The following NRXN1 variants were observed in gnomAD, a reference collection of about 807,000 sequenced individuals.
NRXN1 encodes the protein neurexin-1.
NRXN1 carries 39 observed loss-of-function variants against 150.9 expected under a neutral mutation model. The ratio of observed to expected loss-of-function variants is 0.26; its 90% CI spans 0.20 to 0.34. NRXN1 has a LOEUF of 0.34. Among genes scored for constraint, NRXN1 ranks in the 10% least tolerant of loss-of-function variants. The pLI, the probability that NRXN1 is intolerant of heterozygous loss-of-function variation, is 1.00. For synonymous variants in NRXN1, 924 were observed against 757.0 expected, an observed-to-expected ratio of 1.22 and a Z score of -3.62; for missense variants, 1,815 against 1,949.9, an observed-to-expected ratio of 0.93 and a Z score of 1.30.
chr2:50,619,770 A>T (rs986892331), intron 8 of NRXN1: 2 of 420,628 alleles, frequency 4.8e-6, no homozygotes, highest in Non-Finnish European at 8.6e-6. Context: ...TTTTATAGCT[A>T]ATATCAACTG....
At chr2:50,326,589 C>A (rs1311169992) in intron 17 of NRXN1, among the ~76,000 whole-genome samples, 1 of 152,142 alleles carries the variant, frequency 6.6e-6, no homozygotes, top group Non-Finnish European at 1.5e-5. Context: ...TTGAAGTTTT[C>A]ACCTGCAACC....
chr2:50,771,231 A>G (rs1045703410), intron 5 of NRXN1, among the ~76,000 whole-genome samples: 1 of 152,050 alleles, frequency 6.6e-6, no homozygotes, highest in Non-Finnish European at 1.5e-5. Flanking sequence ...TTTGACCTCT[A>G]CCACCCATTC....
At chr2:50,654,583 T>G (rs1416078003) in intron 5 of NRXN1, among the ~76,000 whole-genome samples, 1 of 152,028 alleles carries the variant, frequency 6.6e-6, no homozygotes, top group Non-Finnish European at 1.5e-5. Context: ...TTTCTAGTTC[T>G]AGATCCCTGA....
intron 17 of NRXN1, among the ~76,000 whole-genome samples, chr2:50,309,734 C>T (rs2075004278): frequency 6.6e-6 from 1 of 152,138 alleles, no homozygotes; most frequent in African/African-American, 2.4e-5. Context: ...GGACCCTTGC[C>T]AGCTGCCTCC....
At chr2:50,521,213 G>T (rs745388715) in intron 12 of NRXN1, among the ~76,000 whole-genome samples, 2 of 152,054 alleles carry the variant, frequency 1.3e-5, no homozygotes, top group Admixed American at 6.6e-5. Context: ...CTTAAATCAC[G>T]CATTTCAAAA....
At chr2:50,901,459 C>G (rs995171077) in intron 5 of NRXN1, among the ~76,000 whole-genome samples, 8 of 151,984 alleles carry the variant, frequency 5.3e-5, no homozygotes, top group African/African-American at 1.9e-4. Flanking sequence ...ATGACGTCAA[C>G]CTAGGAGGTA....
At position 50,550,968 on chromosome 2, in the gene NRXN1, A is replaced by AC. The variant is rs1247214370; in HGVS notation, c.1759+1618dup. Among the ~76,000 whole-genome samples the AC allele has an allele frequency of 6.9e-4, 105 of 151,862 alleles. 1 individual carries two copies. The highest frequency in any genetic ancestry group is 2.4e-3 in the African/African-American group (98 of 41,372). ...AGTGCTGGGATTACGGGCGTGAGCC[A>AC]CCGCGCCCAGCCTCTTCTCAGCTTA... On this transcript the variant is annotated intron_variant, in intron 9 of 22. Coordinates refer to ENST00000401669, the MANE Select transcript of NRXN1 (RefSeq NM_001330078.2).
In NRXN1 at chr2:50,601,148, G is replaced by A. The variant is rs527275103; in HGVS notation, c.1320+18874C>T. 2.6e-5 allele frequency among the ~76,000 whole-genome samples: 4 copies of A among 151,822 alleles called. No homozygotes were observed. In the South Asian group the frequency reaches 6.2e-4, roughly 24 times the overall value. On this transcript the variant is annotated intron_variant, in intron 8 of 22. Coordinates refer to ENST00000401669, the MANE Select transcript of NRXN1 (RefSeq NM_001330078.2). ...TAATTTATTCACCTATTTAACTACA[G>A]GGTTTATTTCCCTAAACAGTATGAT...
At chr2:50,940,107 T>C (rs1022963552) in intron 2 of NRXN1, among the ~76,000 whole-genome samples, 1 of 152,116 alleles carries the variant, frequency 6.6e-6, no homozygotes, top group African/African-American at 2.4e-5. Flanking sequence ...GCTCCCGAAA[T>C]TGTGGCTAAA....
chr2:50,466,976 C>A (rs6726029), intron 16 of NRXN1, among the ~76,000 whole-genome samples: 1 of 151,518 alleles, frequency 6.6e-6, no homozygotes, highest in African/African-American at 2.4e-5. Flanking sequence ...CAGCCATTCA[C>A]TGACAACAGC....
intron 5 of NRXN1, among the ~76,000 whole-genome samples, chr2:50,756,412 A>G (rs72889405): frequency 0.028 from 4,269 of 151,852 alleles, 214 homozygotes; most frequent in African/African-American, 0.097. Flanking sequence ...GAACTCAAAC[A>G]GAATGACAAA....
At chr2:50,818,058 A>T (rs1574582317) in intron 5 of NRXN1, among the ~76,000 whole-genome samples, 3 of 150,866 alleles carry the variant, frequency 2.0e-5, no homozygotes, top group Middle Eastern at 6.9e-3. Flanking sequence ...AGTAAAAAAA[A>T]TCTCTGTTTG....
Position 50,091,445 on chromosome 2 carries a change from G to A in NRXN1, c.3596C>T (p.Ala1199Val). 6.2e-7 allele frequency: 1 copy of A among 1,614,122 alleles called. No homozygotes were observed. The highest frequency in any genetic ancestry group is 8.5e-7 in the Non-Finnish European group (1 of 1,179,976). ...VKFNVGTDDI[A>V]IEESNAIIND... ...AATGATTGCATTGGATTCTTCAATG[G>A]CGATGTCATCTGTCCCAACATTAAA... The change falls in exon 19 of 23, where the codon GCC becomes GTC. Residue 1199 changes from alanine to valine, a missense_variant. By Grantham distance (64) the Ala-to-Val change is moderately conservative. Transcript: ENST00000401669.
chr2:50,533,171 G>C (rs2093163596), intron 10 of NRXN1, among the ~76,000 whole-genome samples: 1 of 152,094 alleles, frequency 6.6e-6, no homozygotes, highest in Non-Finnish European at 1.5e-5. Context: ...TCCCTGCTTA[G>C]GTTAGCTCCC....
chr2:50,139,046 A>G (rs1706843536), intron 18 of NRXN1, among the ~76,000 whole-genome samples: 1 of 152,020 alleles, frequency 6.6e-6, no homozygotes, highest in Non-Finnish European at 1.5e-5. Flanking sequence ...CTGCATGTGG[A>G]CGGGCAAGGT....
intron 11 of NRXN1, among the ~76,000 whole-genome samples, chr2:50,529,576 T>TA (rs2093044443): frequency 2.0e-5 from 3 of 152,130 alleles, no homozygotes; most frequent in Admixed American, 6.6e-5. Flanking sequence ...TTGGAGAACA[T>TA]AAAAAAATAA....
At position 50,906,230 on chromosome 2, in the gene NRXN1, T is replaced by C. The variant is rs887187225; in HGVS notation, c.832+15639A>G. 2.0e-5 allele frequency among the ~76,000 whole-genome samples: 3 copies of C among 152,146 alleles called. No homozygotes were observed. The South Asian group carries it at 6.2e-4, about 31-fold the overall frequency. On this transcript the variant is annotated intron_variant, in intron 5 of 22. Coordinates refer to ENST00000401669, the MANE Select transcript of NRXN1 (RefSeq NM_001330078.2). ...TAGAATTACATACGAGGAGAAAATA[T>C]AGCTTACTTATATCCATGTACTAAA...
chr2:50,085,634 T>G (rs1698671447), intron 19 of NRXN1, among the ~76,000 whole-genome samples: 1 of 151,946 alleles, frequency 6.6e-6, no homozygotes, highest in Admixed American at 6.6e-5. Context: ...ATTCAAAACT[T>G]TAGTGAAAAC....
intron 5 of NRXN1, among the ~76,000 whole-genome samples, chr2:50,844,859 ATTT>A (rs34975364): frequency 6.7e-6 from 1 of 148,822 alleles, no homozygotes; most frequent in Non-Finnish European, 1.5e-5. Context: ...TCAGCTAATC[ATTT>A]TTTTTTTTTG....
Sources: allele counts gnomAD v4.1 joint callset (sites outside exome capture counted in the v4.1 genomes callset), GRCh38; gene constraint gnomAD v4.1.1; transcripts MANE v1.5; gene names NCBI Gene and HGNC (gene_info 2026-07-23, HGNC 2026-07-21).